UROS: variants seen among roughly 807,000 people sequenced by gnomAD.
The protein encoded by UROS is uroporphyrinogen III synthase.
A neutral mutation model predicts 33.0 loss-of-function variants in UROS; 18 were observed. The observed-to-expected ratio is 0.55, with a 90% CI of 0.38 to 0.81. The LOEUF is 0.81. Ranked by LOEUF, UROS falls within the 30% of genes least tolerant of loss-of-function variation. The probability of loss-of-function intolerance (pLI) is 0.00; values close to 1 mark genes in which losing one functional copy is unlikely to be tolerated. For missense variants in UROS, 293 were observed against 314.9 expected, an observed-to-expected ratio of 0.93 and a Z score of 0.53; for synonymous variants, 114 against 121.1, an observed-to-expected ratio of 0.94 and a Z score of 0.38.
At chr10:125,803,026 T>C in intron 6 of UROS, 1 of 1,612,920 alleles carries the variant, frequency 6.2e-7, no homozygotes, top group Non-Finnish European at 8.5e-7. Flanking sequence ...CTTCTTCACC[T>C]GAGGGAAGAG....
intron 6 of UROS, among the ~76,000 whole-genome samples, chr10:125,805,925 T>C (rs749227805): frequency 3.7e-4 from 57 of 152,168 alleles, no homozygotes; most frequent in Admixed American, 2.6e-4. Context: ...ATTGGAGAAC[T>C]TGGAAAGGAT....
intron 6 of UROS, chr10:125,802,943 ATAT>A: frequency 6.2e-7 from 1 of 1,612,596 alleles, no homozygotes. Flanking sequence ...TAAACCCCAG[ATAT>A]TACTCCAATG....
At chr10:125,800,932 A>G (rs1851798079) in intron 6 of UROS, among the ~76,000 whole-genome samples, 1 of 152,086 alleles carries the variant, frequency 6.6e-6, no homozygotes, top group Non-Finnish European at 1.5e-5. Context: ...CCACATGCCT[A>G]ATTTTTCCTG....
At chr10:125,796,033 C>G (rs954558957) in intron 8 of UROS, 70 bp downstream of exon 8, 6 of 1,357,988 alleles carry the variant, frequency 4.4e-6, no homozygotes, top group Non-Finnish European at 6.3e-6. Context: ...TCTATCAGCT[C>G]GTGCCCTTCA....
downstream of UROS, chr10:125,785,047 CTTGA>C (rs750456984): frequency 2.6e-5 from 4 of 152,162 alleles, no homozygotes; most frequent in Non-Finnish European, 5.9e-5. Context: ...TACCAATTCA[CTTGA>C]TTATTTTATC....
At chr10:125,816,624 C>T in intron 1 of UROS, 99 bp from the exon 2 acceptor site, 1 of 1,202,404 alleles carries the variant, frequency 8.3e-7, no homozygotes. Context: ...CAATCAAATG[C>T]TTGTGGAAGA....
chr10:125,802,753 G>A (rs550222844), intron 6 of UROS: 2 of 1,418,428 alleles, frequency 1.4e-6, no homozygotes, highest in Non-Finnish European at 1.8e-6. Context: ...CCCAGGTAGG[G>A]AGGGTAGGTC....
chr10:125,792,271 C>T (rs1414672170), intron 9 of UROS: 1 of 152,178 alleles, frequency 6.6e-6, no homozygotes, highest in East Asian at 1.9e-4. Flanking sequence ...AGCTTTTTCA[C>T]AGGAGCCTTT....
rs148664184 is a variant in UROS, at chr10:125,796,781, G to C, written c.476-593C>G. The stretch of plus-strand genomic sequence containing the variant: ...TGGTGATGAGGCGCTAGGCACTGAA[G>C]GGACTCACGCAATTTCAGTCAGATA... On this transcript the variant is annotated intron_variant, in intron 7 of 9. Transcript: ENST00000368797. 155 of 985,328 alleles carry C rather than the reference G, an allele frequency of 1.6e-4. 1 individual carries two copies. The African/African-American group carries it at 2.5e-3, about 16-fold the overall frequency. The allele number at this position is 985,328 out of a possible 1,614,324, so 61.0% of individuals were successfully genotyped here.
intron 5 of UROS, 83 bp downstream of exon 5, chr10:125,812,131 T>C: frequency 7.3e-7 from 1 of 1,363,344 alleles, no homozygotes; most frequent in Non-Finnish European, 1.0e-6. Context: ...AAAAATAATA[T>C]TTTTAAACTG....
At chr10:125,818,492 A>AAATAAT (rs36118712) in intron 1 of UROS, among the ~76,000 whole-genome samples, 1,789 of 147,610 alleles carry the variant, frequency 0.012, 18 homozygotes, top group East Asian at 0.019. Flanking sequence ...GATCTTGTCT[A>AAATAAT]AATAATAATA....
At chr10:125,797,915 A>C in intron 7 of UROS, 150 bp downstream of exon 7, 1 of 844,816 alleles carries the variant, frequency 1.2e-6, no homozygotes, top group Non-Finnish European at 2.0e-6. Context: ...TCTTCCCATG[A>C]GCATGGTCTC....
rs376745728 is a variant in UROS at position 125,805,200 on chromosome 10, G to A, written c.394+2213C>T. Reference sequence around the variant, plus strand: ...TCATCTGAGTGGCCAGAAAAGGCCCGTGTAGTTCCTCTAAACCGGAGGCTC... The same window carrying A: ...TCATCTGAGTGGCCAGAAAAGGCCCATGTAGTTCCTCTAAACCGGAGGCTC... On this transcript the variant is annotated intron_variant, in intron 6 of 9. Coordinates refer to ENST00000368797, the MANE Select transcript of UROS (RefSeq NM_000375.3). Among the ~76,000 whole-genome samples the A allele has an allele frequency of 3.5e-4, 53 of 152,350 alleles. No homozygotes were observed. The South Asian group carries it at 7.2e-3, about 21-fold the overall frequency.
intron 6 of UROS, among the ~76,000 whole-genome samples, chr10:125,801,557 A>G (rs1851839118): frequency 6.6e-6 from 1 of 152,270 alleles, no homozygotes; most frequent in Non-Finnish European, 1.5e-5. Flanking sequence ...GTTTACTGAG[A>G]AAGAAAAATC....
chr10:125,800,891 T>A (rs752440958), intron 6 of UROS, among the ~76,000 whole-genome samples: 3 of 152,164 alleles, frequency 2.0e-5, no homozygotes, highest in African/African-American at 7.2e-5. Flanking sequence ...TTTCACTTAA[T>A]AAGTTCTGCC....
At chr10:125,807,949 T>A (rs1191008164) in intron 5 of UROS, among the ~76,000 whole-genome samples, 1 of 152,036 alleles carries the variant, frequency 6.6e-6, no homozygotes, top group Non-Finnish European at 1.5e-5. Flanking sequence ...CCAGACCACA[T>A]CCAGAAAGGT....
intron 1 of UROS, among the ~76,000 whole-genome samples, chr10:125,818,691 G>A (rs1853582930): frequency 6.6e-6 from 1 of 152,134 alleles, no homozygotes; most frequent in African/African-American, 2.4e-5. Flanking sequence ...AGGAGGGCCA[G>A]TGTCTGGGTT....
At chr10:125,818,492 AAAT>A (rs36118712) in intron 1 of UROS, among the ~76,000 whole-genome samples, 143 of 147,640 alleles carry the variant, frequency 9.7e-4, no homozygotes, top group Admixed American at 4.1e-3. Context: ...GATCTTGTCT[AAAT>A]AATAATAATA....
At chr10:125,816,596 C>T (rs931683395) in intron 1 of UROS, 71 bp from the exon 2 acceptor site, 15 of 1,466,604 alleles carry the variant, frequency 1.0e-5, no homozygotes, top group Admixed American at 6.8e-5. Flanking sequence ...CCGATGGGGA[C>T]GGTACACAAG....
Sources: allele counts gnomAD v4.1 joint callset (sites outside exome capture counted in the v4.1 genomes callset), GRCh38; gene constraint gnomAD v4.1.1; transcripts MANE v1.5; gene names NCBI Gene and HGNC (gene_info 2026-07-23, HGNC 2026-07-21).